SGCZ: variants seen among roughly 807,000 people sequenced by gnomAD.
SGCZ encodes sarcoglycan zeta.
In SGCZ, 40 loss-of-function variants were observed where a neutral mutation model predicts 41.3. The observed-to-expected ratio is 0.97, with a 90% CI of 0.75 to 1.26. SGCZ has a LOEUF of 1.26. SGCZ is among the 50% of genes most tolerant of loss of function. The probability of loss-of-function intolerance (pLI) is 0.00; values close to 1 mark genes in which losing one functional copy is unlikely to be tolerated. For synonymous variants in SGCZ, 206 were observed against 137.5 expected, an observed-to-expected ratio of 1.50 and a Z score of -3.49; for missense variants, 552 against 369.8, an observed-to-expected ratio of 1.49 and a Z score of -4.04.
At chr8:14,906,866 T>C (rs970188557) in intron 1 of SGCZ, among the ~76,000 whole-genome samples, 1 of 152,184 alleles carries the variant, frequency 6.6e-6, no homozygotes, top group Non-Finnish European at 1.5e-5. Context: ...ATATCACAGA[T>C]AGAGTTACAT....
intron 1 of SGCZ, among the ~76,000 whole-genome samples, chr8:14,582,551 G>A (rs10102466): frequency 0.038 from 5,678 of 151,336 alleles, 247 homozygotes; most frequent in African/African-American, 0.11. Flanking sequence ...GGGTACATGT[G>A]CACAATGTGC....
At chr8:14,631,588 G>T (rs188524048) in intron 1 of SGCZ, among the ~76,000 whole-genome samples, 28 of 152,244 alleles carry the variant, frequency 1.8e-4, no homozygotes, top group African/African-American at 6.3e-4. Flanking sequence ...GAGGAAAGCA[G>T]AAAGACACTT....
intron 2 of SGCZ, among the ~76,000 whole-genome samples, chr8:14,551,695 A>C (rs572167585): frequency 1.2e-4 from 10 of 83,992 alleles, no homozygotes; most frequent in Non-Finnish European, 2.2e-4. Context: ...ATAGCCAGGA[A>C]ATTATTTATT....
chr8:15,229,735 C>T (rs1158395579), intron 1 of SGCZ, among the ~76,000 whole-genome samples: 1 of 152,300 alleles, frequency 6.6e-6, no homozygotes, highest in East Asian at 1.9e-4. Context: ...ACAATGATAA[C>T]AGCGTTTTCC....
intron 1 of SGCZ, among the ~76,000 whole-genome samples, chr8:14,794,886 T>G (rs1801074855): frequency 6.6e-6 from 1 of 152,174 alleles, no homozygotes. Flanking sequence ...AGAAATGCCT[T>G]TAAAAAATCT....
Position 14,697,918 on chromosome 8 carries a change from T to C in SGCZ, c.40-142992A>G, listed in dbSNP as rs574679925. Among the ~76,000 whole-genome samples the C allele has an allele frequency of 2.0e-5, 3 of 152,128 alleles. No homozygotes were observed. The South Asian group carries it at 6.2e-4, about 32-fold the overall frequency. On this transcript the variant is annotated intron_variant, in intron 1 of 7. Coordinates refer to ENST00000382080, the MANE Select transcript of SGCZ (RefSeq NM_139167.4). ...CTCTATTGTCAGCCCTCCCTCTCTA[T>C]ATGTTAGAATCCCACAGCTAGACAT...
intron 1 of SGCZ, among the ~76,000 whole-genome samples, chr8:15,119,652 G>A (rs780466508): frequency 1.6e-4 from 24 of 152,050 alleles, no homozygotes; most frequent in Admixed American, 1.1e-3. Context: ...AACTAGCTCT[G>A]TATTTAGTAA....
chr8:14,633,922 A>G (rs576661393), intron 1 of SGCZ, among the ~76,000 whole-genome samples: 72 of 151,990 alleles, frequency 4.7e-4, no homozygotes, highest in Non-Finnish European at 9.0e-4. Flanking sequence ...TTTTAGTTAT[A>G]AAGGTCAATT....
At chr8:14,878,714 G>A (rs1417444121) in intron 1 of SGCZ, among the ~76,000 whole-genome samples, 1 of 152,166 alleles carries the variant, frequency 6.6e-6, no homozygotes, top group East Asian at 1.9e-4. Flanking sequence ...TTCCTGTGGT[G>A]TCTAAGAGGC....
intron 2 of SGCZ, among the ~76,000 whole-genome samples, chr8:14,424,481 T>G (rs1469571056): frequency 6.6e-6 from 1 of 152,194 alleles, no homozygotes; most frequent in South Asian, 2.1e-4. Flanking sequence ...AAAAAGCTTA[T>G]TTTTCTCTGT....
Position 14,654,854 on chromosome 8 carries a change from A to T in SGCZ, c.40-99928T>A, listed in dbSNP as rs565434790. Among the ~76,000 whole-genome samples the T allele has an allele frequency of 2.0e-5, 3 of 151,740 alleles. No individual in the cohort carries two copies. In the East Asian group the frequency reaches 5.8e-4, roughly 30 times the overall value. On this transcript the variant is annotated intron_variant, in intron 1 of 7. Transcript: ENST00000382080. ...AGAACAATTTCTATTTTTAGTAGAG[A>T]TGTGGTTTCACTATATTGGTCAGGC...
intron 2 of SGCZ, among the ~76,000 whole-genome samples, chr8:14,466,875 T>G (rs1255933573): frequency 2.6e-5 from 4 of 151,916 alleles, no homozygotes; most frequent in Non-Finnish European, 5.9e-5. Flanking sequence ...TCTCTATGTC[T>G]TCCTTTAATA....
In SGCZ at chr8:14,624,252, C is replaced by G. The variant is rs552961176; in HGVS notation, c.40-69326G>C. Among the ~76,000 whole-genome samples, 3 of 152,250 alleles carry G rather than the reference C, an allele frequency of 2.0e-5. 1 individual carries two copies. The South Asian group carries it at 6.2e-4, about 32-fold the overall frequency. On this transcript the variant is annotated intron_variant, in intron 1 of 7. Transcript: ENST00000382080. ...CCAAAATAAACTACTGAAGGTCCCT[C>G]TCTGTTGAAAGCCTTAGGAATCCCC...
chr8:15,107,518 G>A (rs957062413), intron 1 of SGCZ, among the ~76,000 whole-genome samples: 27 of 152,060 alleles, frequency 1.8e-4, no homozygotes, highest in Admixed American at 1.3e-4. Flanking sequence ...CCTTGTCTCC[G>A]TACATACCCA....
At chr8:14,106,081 C>G (rs28695877) in intron 6 of SGCZ, among the ~76,000 whole-genome samples, 2,552 of 152,204 alleles carry the variant, frequency 0.017, 74 homozygotes, top group African/African-American at 0.057. Context: ...TTCCTTATAT[C>G]CCATTCATTT....
intron 3 of SGCZ, among the ~76,000 whole-genome samples, chr8:14,285,206 A>T (rs908865317): frequency 6.6e-6 from 1 of 152,116 alleles, no homozygotes; most frequent in African/African-American, 2.4e-5. Context: ...TGTTCCACAT[A>T]AAATATATGT....
intron 1 of SGCZ, among the ~76,000 whole-genome samples, chr8:14,906,179 T>C (rs1799115674): frequency 6.6e-6 from 1 of 152,158 alleles, no homozygotes; most frequent in South Asian, 2.1e-4. Flanking sequence ...GGACACATAC[T>C]GCAGGAGCTA....
intron 1 of SGCZ, among the ~76,000 whole-genome samples, chr8:14,619,659 A>C (rs112704569): frequency 0.01 from 1,556 of 152,290 alleles, 29 homozygotes; most frequent in African/African-American, 0.036. Flanking sequence ...AGACAAACAG[A>C]GAACCAAATC....
intron 2 of SGCZ, among the ~76,000 whole-genome samples, chr8:14,438,392 C>T (rs756143103): frequency 6.6e-6 from 1 of 151,926 alleles, no homozygotes; most frequent in Admixed American, 6.6e-5. Flanking sequence ...TCATAATTCA[C>T]TCTTTGTTTT....
Sources: allele counts gnomAD v4.1 joint callset (sites outside exome capture counted in the v4.1 genomes callset), GRCh38; gene constraint gnomAD v4.1.1; transcripts MANE v1.5; gene names NCBI Gene and HGNC (gene_info 2026-07-23, HGNC 2026-07-21).